PRSS23: variants seen among roughly 807,000 people sequenced by gnomAD.
PRSS23 encodes the protein serine protease 23.
In PRSS23, 25 loss-of-function variants were observed where a neutral mutation model predicts 34.7. That is an observed-to-expected ratio of 0.72 (90% CI 0.53 to 1.01). The LOEUF is 1.01. Ranked by LOEUF, PRSS23 falls within the 50% of genes least tolerant of loss-of-function variation. The pLI is 0.00. For synonymous variants in PRSS23, 176 were observed against 186.6 expected, an observed-to-expected ratio of 0.94 and a Z score of 0.46; for missense variants, 445 against 475.6, an observed-to-expected ratio of 0.94 and a Z score of 0.60.
At chr11:86,885,700 G>A (rs969447087) in intron 2 of PRSS23, among the ~76,000 whole-genome samples, 40 of 152,148 alleles carry the variant, frequency 2.6e-4, no homozygotes, top group African/African-American at 9.7e-4. Flanking sequence ...GACTTGCCAG[G>A]CTTCATATTC....
At position 86,842,701 on chromosome 11, in the gene PRSS23, A is replaced by T. The variant is rs182551603; in HGVS notation, c.206+19108A>T. ...GAGAAAGAGAATAAAATACCTGGGAATCCAAATTACAAGGGATGTGAAGGA... is the reference window on the plus strand; with the variant it reads ...GAGAAAGAGAATAAAATACCTGGGATTCCAAATTACAAGGGATGTGAAGGA... On this transcript the variant is annotated intron_variant, in intron 2 of 2. Transcript: ENST00000533902. Among the ~76,000 whole-genome samples the T allele has an allele frequency of 1.4e-3, 209 of 152,350 alleles. No individual in the cohort carries two copies. The East Asian group carries it at 0.03, about 22-fold the overall frequency.
intron 2 of PRSS23, chr11:86,857,790 C>G: frequency 9.8e-7 from 1 of 1,024,506 alleles, no homozygotes; most frequent in Non-Finnish European, 1.4e-6. Context: ...GAACTGTGGC[C>G]GAGGTGAAAC....
At chr11:86,888,425 T>A (rs1292414940) in intron 2 of PRSS23, among the ~76,000 whole-genome samples, 10 of 152,100 alleles carry the variant, frequency 6.6e-5, no homozygotes, top group Non-Finnish European at 1.5e-5. Context: ...TGGGGGTAAA[T>A]CCTCTAAGGA....
intron 2 of PRSS23, among the ~76,000 whole-genome samples, chr11:86,849,213 A>C (rs1008027565): frequency 6.6e-6 from 1 of 152,188 alleles, no homozygotes; most frequent in Non-Finnish European, 1.5e-5. Context: ...GACTGTCCTC[A>C]AAGTCCATTA....
chr11:86,893,381 T>A (rs1948854121), intron 2 of PRSS23, among the ~76,000 whole-genome samples: 1 of 152,236 alleles, frequency 6.6e-6, no homozygotes. Context: ...ATACTTACTG[T>A]GTGTTATGCA....
At chr11:86,878,233 C>CCTCCCTCATCTCCGT (rs1565373957) in intron 2 of PRSS23, among the ~76,000 whole-genome samples, 33 of 84,796 alleles carry the variant, frequency 3.9e-4, no homozygotes, top group Non-Finnish European at 6.2e-4. Flanking sequence ...TACCCCTCCC[C>CCTCCCTCATCTCCGT]CTCCCTCTCC....
rs149295904 is a variant in PRSS23, at chr11:86,831,246, G to A, written c.206+7653G>A. 3.7e-3 allele frequency among the ~76,000 whole-genome samples: 558 copies of A among 152,002 alleles called. 4 individuals are homozygous for A. The highest frequency in any genetic ancestry group is 0.013 in the African/African-American group (542 of 41,448). On this transcript the variant is annotated intron_variant, in intron 2 of 2. Coordinates refer to the PRSS23 transcript ENST00000533902. Reference sequence around the variant, plus strand: ...GGAATATTACTCCTAATGTCATAGCGGGTTTACACCTTTTTGTATTATTCG... The same window carrying A: ...GGAATATTACTCCTAATGTCATAGCAGGTTTACACCTTTTTGTATTATTCG...
chr11:86,817,571 T>C (rs1948223206), intron 1 of PRSS23, among the ~76,000 whole-genome samples: 2 of 152,208 alleles, frequency 1.3e-5, no homozygotes, highest in African/African-American at 4.8e-5. Context: ...AGAGTTTCTT[T>C]TCAAGAGTAT....
In PRSS23 at chr11:86,951,628, C is replaced by A. The variant is rs773474310; in HGVS notation, c.*343C>A. ...CGAGATTTTGGTTTCCAACATAGCACAAGCCAGTCAGTTCATCTGCATCCA... is the reference window on the plus strand; with the variant it reads ...CGAGATTTTGGTTTCCAACATAGCAAAAGCCAGTCAGTTCATCTGCATCCA... On this transcript the variant is annotated 3_prime_UTR_variant, in exon 3 of 3. Transcript: ENST00000533902. The A allele has an allele frequency of 2.7e-5, 43 of 1,614,062 alleles. No individual in the cohort carries two copies. Among genetic ancestry groups the A allele is most frequent in the Non-Finnish European group, 3.6e-5 (43 of 1,180,026 alleles).
chr11:86,916,413 T>C (rs377663720), intron 2 of PRSS23, among the ~76,000 whole-genome samples: 36 of 152,308 alleles, frequency 2.4e-4, no homozygotes, highest in African/African-American at 8.2e-4. Flanking sequence ...CCTCTGGCTT[T>C]ACCCCTGGGA....
chr11:86,823,415 C>A (rs1378323397), exon 2 of PRSS23: 14 of 702,200 alleles, frequency 2.0e-5, no homozygotes, highest in Admixed American at 6.0e-5. Flanking sequence ...TGTGTGCCAA[C>A]CCTGGCCTAG....
intron 2 of PRSS23, among the ~76,000 whole-genome samples, chr11:86,876,079 C>T (rs1023244556): frequency 6.6e-6 from 1 of 152,086 alleles, no homozygotes; most frequent in Non-Finnish European, 1.5e-5. Flanking sequence ...ACTTATTTTC[C>T]ACACAGTGCA....
At chr11:86,857,423 TG>T (rs1948579707) in intron 2 of PRSS23, 4 of 341,878 alleles carry the variant, frequency 1.2e-5, no homozygotes, top group South Asian at 1.1e-4. Flanking sequence ...ATGTTATTGA[TG>T]ATGCTGTCAG....
At chr11:86,801,352 TGAAG>T (rs1232736143) in intron 1 of PRSS23, among the ~76,000 whole-genome samples, 1 of 152,200 alleles carries the variant, frequency 6.6e-6, no homozygotes, top group East Asian at 1.9e-4. Context: ...CTTGTTCAGA[TGAAG>T]GAACACCACC....
chr11:86,847,501 C>G (rs1387520382), intron 2 of PRSS23, among the ~76,000 whole-genome samples: 1 of 152,126 alleles, frequency 6.6e-6, no homozygotes, highest in Non-Finnish European at 1.5e-5. Flanking sequence ...CGGCCATGAG[C>G]TTTCAGCACA....
At chr11:86,907,816 A>G (rs1948953777) in intron 2 of PRSS23, among the ~76,000 whole-genome samples, 1 of 152,220 alleles carries the variant, frequency 6.6e-6, no homozygotes, top group African/African-American at 2.4e-5. Context: ...AATGTTGTAG[A>G]GCAGTTCTCT....
At chr11:86,875,295 C>T (rs1000021698) in intron 2 of PRSS23, among the ~76,000 whole-genome samples, 5 of 152,082 alleles carry the variant, frequency 3.3e-5, no homozygotes, top group East Asian at 3.9e-4. Flanking sequence ...CACTTGAACC[C>T]GGGAGGTGGA....
chr11:86,832,161 C>T (rs973487487), intron 2 of PRSS23, among the ~76,000 whole-genome samples: 19 of 152,058 alleles, frequency 1.2e-4, no homozygotes, highest in African/African-American at 2.4e-5. Context: ...TGTGCGTACA[C>T]CCCCAGTGAT....
exon 3 of PRSS23, chr11:86,951,973 G>A (rs775708398): frequency 1.2e-6 from 2 of 1,614,020 alleles, no homozygotes; most frequent in Non-Finnish European, 1.7e-6. Context: ...AAATATTATA[G>A]CACATACTGA....
Sources: allele counts gnomAD v4.1 joint callset (sites outside exome capture counted in the v4.1 genomes callset), GRCh38; gene constraint gnomAD v4.1.1; transcripts MANE v1.5; gene names NCBI Gene and HGNC (gene_info 2026-07-23, HGNC 2026-07-21).